KLHL1: variants seen among roughly 807,000 people sequenced by gnomAD.
The protein encoded by KLHL1 is kelch like family member 1, also known as kelch-like protein 1.
KLHL1 carries 47 observed loss-of-function variants against 77.7 expected under a neutral mutation model. The ratio of observed to expected loss-of-function variants is 0.60; its 90% CI spans 0.48 to 0.77. The LOEUF (loss-of-function observed/expected upper bound fraction) is 0.77, where lower values mean the gene tolerates loss of function less well. KLHL1 is among the 30% of genes least tolerant of loss of function. The pLI, the probability that KLHL1 is intolerant of heterozygous loss-of-function variation, is 0.00. For synonymous variants in KLHL1, 360 were observed against 325.2 expected (o/e 1.11, Z -1.15); for missense variants, 925 against 910.8 (o/e 1.02, Z -0.20).
intron 6 of KLHL1, among the ~76,000 whole-genome samples, chr13:69,835,998 T>C (rs755075922): frequency 4.3e-4 from 66 of 152,166 alleles, no homozygotes; most frequent in Non-Finnish European, 9.0e-4. Context: ...CTATAAAGCT[T>C]CAGTTCATAG....
intron 7 of KLHL1, among the ~76,000 whole-genome samples, chr13:69,758,552 TC>T (rs1345333315): frequency 6.6e-6 from 1 of 152,114 alleles, no homozygotes; most frequent in Non-Finnish European, 1.5e-5. Flanking sequence ...GCCACATCTT[TC>T]TTTATAAAGT....
At chr13:69,827,737 A>G in intron 6 of KLHL1, among the ~76,000 whole-genome samples, 1 of 144,214 alleles carries the variant, frequency 6.9e-6, no homozygotes, top group Non-Finnish European at 1.5e-5. Flanking sequence ...CTCAAAAAAA[A>G]AAAAAAAAAA....
intron 7 of KLHL1, among the ~76,000 whole-genome samples, chr13:69,766,301 A>G (rs969632631): frequency 6.6e-6 from 1 of 151,952 alleles, no homozygotes. Context: ...GTTTTTCATT[A>G]TTATACATTA....
chr13:69,889,059 T>TATATAA (rs1555277699), intron 4 of KLHL1, among the ~76,000 whole-genome samples: 1 of 151,642 alleles, frequency 6.6e-6, no homozygotes, highest in Admixed American at 6.6e-5. Context: ...TATATATATA[T>TATATAA]AATTTTCTAT....
chr13:70,030,367 A>G (rs1203200175), intron 1 of KLHL1, among the ~76,000 whole-genome samples: 1 of 152,170 alleles, frequency 6.6e-6, no homozygotes. Flanking sequence ...AGCAAATGTA[A>G]AAGAACAGAA....
chr13:69,740,661 TA>T, intron 7 of KLHL1, 105 bp from the exon 8 acceptor site: 1 of 738,156 alleles, frequency 1.4e-6, no homozygotes, highest in Non-Finnish European at 2.0e-6. Flanking sequence ...CCTAACATAA[TA>T]AAATGAAAAA....
At chr13:69,744,837 C>T (rs1318531960) in intron 7 of KLHL1, among the ~76,000 whole-genome samples, 2 of 151,914 alleles carry the variant, frequency 1.3e-5, no homozygotes, top group East Asian at 3.9e-4. Context: ...AATATTATTA[C>T]AGTGTATGAT....
In KLHL1 at chr13:69,922,200, G is replaced by A. The variant is rs193203376; in HGVS notation, c.1014+17840C>T. Reference sequence around the variant, plus strand: ...GGTCTCAAGGGATTCTCCTGCCTTGGCCTGCCAATGTGCTCGGATTACTTG... The same window carrying A: ...GGTCTCAAGGGATTCTCCTGCCTTGACCTGCCAATGTGCTCGGATTACTTG... On this transcript the variant is annotated intron_variant, in intron 4 of 10. Coordinates refer to ENST00000377844, the MANE Select transcript of KLHL1 (RefSeq NM_020866.3). 5.9e-5 allele frequency among the ~76,000 whole-genome samples: 9 copies of A among 152,158 alleles called. No individual in the cohort carries two copies. In the East Asian group the frequency reaches 1.7e-3, roughly 29 times the overall value.
chr13:69,880,293 C>T (rs553045309), intron 5 of KLHL1, among the ~76,000 whole-genome samples: 86 of 152,032 alleles, frequency 5.7e-4, no homozygotes, highest in African/African-American at 1.8e-3. Context: ...AATTCATTAA[C>T]GTTAGTTGTA....
intron 1 of KLHL1, among the ~76,000 whole-genome samples, chr13:70,048,799 T>C (rs998366328): frequency 1.3e-5 from 2 of 152,192 alleles, no homozygotes; most frequent in Admixed American, 6.6e-5. Flanking sequence ...ACTCACCTCT[T>C]GCTGTGTGGC....
intron 6 of KLHL1, among the ~76,000 whole-genome samples, chr13:69,809,151 G>T (rs952482106): frequency 6.6e-6 from 1 of 152,068 alleles, no homozygotes; most frequent in African/African-American, 2.4e-5. Context: ...GATATAACTC[G>T]GAAATATTTC....
Position 69,994,037 on chromosome 13 carries a change from A to C in KLHL1, c.498-18235T>G, listed in dbSNP as rs141189061. ...GAAGTTATAAAGAGTGTAGATTGGG[A>C]TTGAGAATGTACAAAGGACTAATGA... On this transcript the variant is annotated intron_variant, in intron 1 of 10. Coordinates refer to ENST00000377844, the MANE Select transcript of KLHL1 (RefSeq NM_020866.3). Among the ~76,000 whole-genome samples the C allele has an allele frequency of 3.4e-3, 502 of 145,766 alleles. 3 individuals carry two copies. The highest frequency in any genetic ancestry group is 0.012 in the African/African-American group (476 of 39,776).
intron 4 of KLHL1, among the ~76,000 whole-genome samples, chr13:69,937,015 G>A (rs1437736629): frequency 6.6e-6 from 1 of 152,102 alleles, no homozygotes; most frequent in Non-Finnish European, 1.5e-5. Context: ...TTACATGAAT[G>A]CCTCTTATTG....
At chr13:69,918,897 CT>C (rs1219347593) in intron 4 of KLHL1, among the ~76,000 whole-genome samples, 1 of 152,148 alleles carries the variant, frequency 6.6e-6, no homozygotes, top group Non-Finnish European at 1.5e-5. Context: ...ATTAGAGCTT[CT>C]TTACTCTTCA....
intron 1 of KLHL1, among the ~76,000 whole-genome samples, chr13:70,099,287 T>C (rs971988121): frequency 6.6e-6 from 1 of 151,790 alleles, no homozygotes; most frequent in Non-Finnish European, 1.5e-5. Context: ...ATTGTAAAAT[T>C]CTGCCCCATT....
chr13:70,056,918 G>T (rs1422426120), intron 1 of KLHL1, among the ~76,000 whole-genome samples: 1 of 151,866 alleles, frequency 6.6e-6, no homozygotes, highest in Non-Finnish European at 1.5e-5. Flanking sequence ...TAGAAAATGA[G>T]GAGCAAACCA....
At chr13:69,791,663 T>C (rs143181208) in intron 7 of KLHL1, among the ~76,000 whole-genome samples, 97 of 151,884 alleles carry the variant, frequency 6.4e-4, no homozygotes, top group Non-Finnish European at 8.7e-4. Context: ...TTGACAAGGG[T>C]GCCAAGAATT....
intron 3 of KLHL1, among the ~76,000 whole-genome samples, chr13:69,949,174 T>G (rs557044854): frequency 1.3e-5 from 2 of 151,884 alleles, no homozygotes; most frequent in African/African-American, 4.8e-5. Flanking sequence ...TTAACTAAAA[T>G]GTGTACTTCC....
At chr13:69,767,090 G>A (rs1875339924) in intron 7 of KLHL1, among the ~76,000 whole-genome samples, 1 of 152,114 alleles carries the variant, frequency 6.6e-6, no homozygotes, top group Non-Finnish European at 1.5e-5. Flanking sequence ...GATACTAGGT[G>A]TAGATATATC....
Sources: gnomAD v4.1 joint callset for allele counts (sites outside exome capture counted in the v4.1 genomes callset) on GRCh38, gnomAD v4.1.1 for gene constraint, MANE v1.5 for transcripts, NCBI Gene and HGNC (gene_info 2026-07-23, HGNC 2026-07-21) for gene names.